The following PDE7B variants were observed in gnomAD, a reference collection of about 807,000 sequenced individuals.
PDE7B encodes phosphodiesterase 7B, also known as 3',5'-cyclic-AMP phosphodiesterase 7B.
In PDE7B, 29 loss-of-function variants were observed where a neutral mutation model predicts 56.2. The observed-to-expected ratio is 0.52, with a 90% CI of 0.38 to 0.70. PDE7B has a LOEUF of 0.70. Ranked by LOEUF, PDE7B falls within the 30% of genes least tolerant of loss-of-function variation. The pLI, the probability that PDE7B is intolerant of heterozygous loss-of-function variation, is 0.00. For synonymous variants in PDE7B, 197 were observed against 196.9 expected (o/e 1.00, Z 0.00); for missense variants, 490 against 565.0 (o/e 0.87, Z 1.35).
intron 2 of PDE7B, among the ~76,000 whole-genome samples, chr6:136,081,370 C>T (rs1356442834): frequency 6.6e-6 from 1 of 152,022 alleles, no homozygotes; most frequent in Non-Finnish European, 1.5e-5. Flanking sequence ...GATCTGATGA[C>T]CAAATGGATA....
At chr6:136,035,995 T>C (rs1383837749) in intron 2 of PDE7B, among the ~76,000 whole-genome samples, 1 of 152,168 alleles carries the variant, frequency 6.6e-6, no homozygotes, top group Non-Finnish European at 1.5e-5. Flanking sequence ...ATAAAAATAG[T>C]CAAACACTTA....
intron 2 of PDE7B, among the ~76,000 whole-genome samples, chr6:136,025,518 C>T (rs1012668879): frequency 6.6e-6 from 1 of 152,106 alleles, no homozygotes; most frequent in Non-Finnish European, 1.5e-5. Context: ...GTTGAAGATC[C>T]TAAATGTCAG....
chr6:136,072,046 A>G (rs1777057245), intron 2 of PDE7B, among the ~76,000 whole-genome samples: 1 of 152,238 alleles, frequency 6.6e-6, no homozygotes, highest in Admixed American at 6.5e-5. Context: ...AAAACTAAAT[A>G]TATTTTAGCT....
chr6:135,933,725 A>G (rs1774334229), intron 1 of PDE7B, among the ~76,000 whole-genome samples: 1 of 35,848 alleles, frequency 2.8e-5, no homozygotes, highest in Non-Finnish European at 5.2e-5. Flanking sequence ...TAAATGATGA[A>G]TATGTCATAT....
At chr6:135,994,386 C>CACAAATT (rs1775528759) in intron 2 of PDE7B, among the ~76,000 whole-genome samples, 9 of 152,132 alleles carry the variant, frequency 5.9e-5, no homozygotes, top group African/African-American at 1.9e-4. Flanking sequence ...CTCAACAGGG[C>CACAAATT]TGAGTTACAC....
At chr6:136,038,037 G>A in intron 2 of PDE7B, 4 of 1,329,564 alleles carry the variant, frequency 3.0e-6, no homozygotes, top group Non-Finnish European at 3.0e-6. Context: ...GAAACCTAGG[G>A]AAGTGAATCG....
At chr6:135,995,475 A>G (rs111966916) in intron 2 of PDE7B, among the ~76,000 whole-genome samples, 1,813 of 152,356 alleles carry the variant, frequency 0.012, 43 homozygotes, top group African/African-American at 0.04. Context: ...TTAATCAGCC[A>G]GTGAAGACAC....
intron 2 of PDE7B, among the ~76,000 whole-genome samples, chr6:136,009,941 A>G (rs1318862977): frequency 6.6e-6 from 1 of 152,086 alleles, no homozygotes; most frequent in Non-Finnish European, 1.5e-5. Flanking sequence ...TCATTCCTTG[A>G]CTACTTTCAG....
intron 1 of PDE7B, among the ~76,000 whole-genome samples, chr6:135,890,334 A>G (rs1775788694): frequency 6.6e-6 from 1 of 152,186 alleles, no homozygotes; most frequent in South Asian, 2.1e-4. Context: ...CAGGTTCTAG[A>G]TATTTCCTAT....
chr6:136,011,159 A>G (rs1156836655), intron 2 of PDE7B, among the ~76,000 whole-genome samples: 1 of 152,122 alleles, frequency 6.6e-6, no homozygotes, highest in East Asian at 1.9e-4. Flanking sequence ...TCTCCCCATC[A>G]AAAAAACAAA....
At chr6:136,144,893 G>A (rs1452633483) in intron 3 of PDE7B, among the ~76,000 whole-genome samples, 2 of 152,046 alleles carry the variant, frequency 1.3e-5, no homozygotes, top group Non-Finnish European at 2.9e-5. Context: ...AGTTTCTGGT[G>A]GCATTAACTA....
intron 2 of PDE7B, among the ~76,000 whole-genome samples, chr6:135,985,078 T>C (rs2128204576): frequency 6.6e-6 from 1 of 152,356 alleles, no homozygotes; most frequent in South Asian, 2.1e-4. Flanking sequence ...CTTGCTCTTT[T>C]GCAACTAGGC....
chr6:135,893,376 T>C (rs1052027074), intron 1 of PDE7B, among the ~76,000 whole-genome samples: 1 of 152,050 alleles, frequency 6.6e-6, no homozygotes, highest in Non-Finnish European at 1.5e-5. Context: ...GCTTCATCCA[T>C]GTCCCTACAA....
chr6:136,144,010 A>G (rs1237319718), intron 3 of PDE7B, among the ~76,000 whole-genome samples: 3 of 152,040 alleles, frequency 2.0e-5, no homozygotes, highest in African/African-American at 4.8e-5. Context: ...AGATGGGGGA[A>G]TTTTAAAGAA....
At chr6:136,157,403 C>A (rs1470409697) in intron 8 of PDE7B, among the ~76,000 whole-genome samples, 1 of 152,098 alleles carries the variant, frequency 6.6e-6, no homozygotes, top group Non-Finnish European at 1.5e-5. Context: ...CACGGTGAAA[C>A]CCCGTCTCTA....
chr6:136,191,974 C>T lies in PDE7B; in HGVS notation c.*134C>T. On this transcript the variant is annotated 3_prime_UTR_variant, in exon 13 of 13. Coordinates refer to ENST00000308191, the MANE Select transcript of PDE7B (RefSeq NM_018945.4). The stretch of plus-strand genomic sequence containing the variant: ...TGGGGCTCTTTGGAACGCCATCTTC[C>T]TCCCACTTACCTGCCTCCCCTCCTT... 1 of 671,178 alleles carries T rather than the reference C, an allele frequency of 1.5e-6. No individual in the cohort carries two copies. Among genetic ancestry groups the T allele is most frequent in the African/African-American group, 1.8e-5 (1 of 55,376 alleles). The allele number at this position is 671,178 out of a possible 1,614,324, so 41.6% of individuals were successfully genotyped here.
At chr6:135,978,886 T>C (rs891005217) in intron 2 of PDE7B, among the ~76,000 whole-genome samples, 8 of 151,914 alleles carry the variant, frequency 5.3e-5, no homozygotes, top group Admixed American at 3.3e-4. Context: ...TCCTGCCTAA[T>C]TGCCCTGGCC....
At chr6:136,026,827 G>A (rs570615124) in intron 2 of PDE7B, among the ~76,000 whole-genome samples, 1 of 152,276 alleles carries the variant, frequency 6.6e-6, no homozygotes, top group Admixed American at 6.5e-5. Flanking sequence ...TGAAGCTTCT[G>A]TTTTCTGGAT....
intron 2 of PDE7B, among the ~76,000 whole-genome samples, chr6:135,948,169 G>A (rs898302847): frequency 1.3e-5 from 2 of 151,948 alleles, no homozygotes; most frequent in African/African-American, 4.8e-5. Flanking sequence ...TAACCTCAAA[G>A]TGAGAAATGG....
Sources: gnomAD v4.1 joint callset for allele counts (sites outside exome capture counted in the v4.1 genomes callset) on GRCh38, gnomAD v4.1.1 for gene constraint, MANE v1.5 for transcripts, NCBI Gene and HGNC (gene_info 2026-07-23, HGNC 2026-07-21) for gene names.